SEZ6L: variants seen among roughly 807,000 people sequenced by gnomAD.
SEZ6L encodes the protein seizure 6-like protein.
In SEZ6L, 37 loss-of-function variants were observed where a neutral mutation model predicts 106.2. The observed-to-expected ratio is 0.35, with a 90% CI of 0.27 to 0.46. The LOEUF (loss-of-function observed/expected upper bound fraction) is 0.46, where lower values mean the gene tolerates loss of function less well. SEZ6L is among the 20% of genes least tolerant of loss of function. The pLI, the probability that SEZ6L is intolerant of heterozygous loss-of-function variation, is 1.00. For synonymous variants in SEZ6L, 541 were observed against 570.4 expected, an observed-to-expected ratio of 0.95 and a Z score of 0.73; for missense variants, 1,172 against 1,332.8, an observed-to-expected ratio of 0.88 and a Z score of 1.88.
chr22:26,245,475 T>A (rs1394659802), intron 1 of SEZ6L, among the ~76,000 whole-genome samples: 1 of 152,038 alleles, frequency 6.6e-6, no homozygotes, highest in East Asian at 1.9e-4. Context: ...CCCTTCCCCA[T>A]TTGGCATGCA....
intron 16 of SEZ6L, among the ~76,000 whole-genome samples, chr22:26,378,643 T>C (rs1293913510): frequency 1.3e-5 from 2 of 152,058 alleles, no homozygotes; most frequent in Admixed American, 6.6e-5. Context: ...AGCTGAGACA[T>C]GGGAAGTGGG....
At position 26,376,443 on chromosome 22, in the gene SEZ6L, C is replaced by A. The variant is rs537707843; in HGVS notation, c.2942+754C>A. Reference sequence around the variant, plus strand: ...ATTTGAGCAAGGACTTGAAAGTGATCATGAGAAACCTATGCAGTCCAGGCG... The same window carrying A: ...ATTTGAGCAAGGACTTGAAAGTGATAATGAGAAACCTATGCAGTCCAGGCG... On this transcript the variant is annotated intron_variant, in intron 15 of 16. Transcript: ENST00000248933. Among the ~76,000 whole-genome samples the A allele has an allele frequency of 7.2e-5, 11 of 152,200 alleles. No homozygotes were observed. The South Asian group carries it at 2.1e-3, about 29-fold the overall frequency.
intron 14 of SEZ6L, among the ~76,000 whole-genome samples, chr22:26,375,128 G>A (rs531835814): frequency 2.0e-5 from 3 of 152,146 alleles, no homozygotes; most frequent in Admixed American, 6.5e-5. Flanking sequence ...TCAACTCAAC[G>A]ACATACACAA....
rs2084416519 is a variant in SEZ6L, at chr22:26,381,750, A to G, written c.*1455A>G. ...GAGGGTGCGGGTGCATGGAAGAAAT[A>G]CTATGTGTGAAGCAGATTCACCTTC... On this transcript the variant is annotated 3_prime_UTR_variant, in exon 17 of 17. Transcript: ENST00000248933. 3.7e-6 allele frequency: 1 copy of G among 267,076 alleles called. No homozygotes were observed. Among genetic ancestry groups the G allele is most frequent in the Non-Finnish European group, 7.5e-6 (1 of 133,044 alleles). The allele number at this position is 267,076 out of a possible 1,614,324, so 16.5% of individuals were successfully genotyped here.
chr22:26,247,205 T>G (rs893633363), intron 1 of SEZ6L, among the ~76,000 whole-genome samples: 1 of 152,132 alleles, frequency 6.6e-6, no homozygotes, highest in Non-Finnish European at 1.5e-5. Context: ...GTCCCAATGA[T>G]GTTATTAAGA....
intron 3 of SEZ6L, 35 bp downstream of exon 3, chr22:26,294,460 C>A (rs529111996): frequency 1.2e-6 from 2 of 1,600,170 alleles, no homozygotes; most frequent in African/African-American, 1.3e-5. Context: ...GAGGCTGCCT[C>A]GTCTAGCAGG....
chr22:26,371,803 T>C (rs186496622), intron 13 of SEZ6L, among the ~76,000 whole-genome samples: 4 of 152,282 alleles, frequency 2.6e-5, no homozygotes, highest in Admixed American at 2.0e-4. Flanking sequence ...ACAACTGTGA[T>C]GGAATTGCTA....
At chr22:26,285,891 C>A (rs771327316) in intron 1 of SEZ6L, among the ~76,000 whole-genome samples, 8 of 152,172 alleles carry the variant, frequency 5.3e-5, no homozygotes, top group Non-Finnish European at 1.0e-4. Context: ...TCTGGACAAC[C>A]GCTTCCCCTC....
At chr22:26,305,937 C>G (rs376322701) in intron 5 of SEZ6L, 42 bp from the exon 6 acceptor site, 2 of 1,497,404 alleles carry the variant, frequency 1.3e-6, no homozygotes, top group South Asian at 2.3e-5. Context: ...CTCTCTCCCT[C>G]TCTGCTCTCT....
At chr22:26,217,924 G>A (rs528397761) in intron 1 of SEZ6L, among the ~76,000 whole-genome samples, 45 of 152,316 alleles carry the variant, frequency 3.0e-4, no homozygotes, top group African/African-American at 1.0e-3. Flanking sequence ...GGCTGATGTC[G>A]ACAAGAAATG....
In SEZ6L at chr22:26,241,050, T is replaced by C. The variant is rs578175512; in HGVS notation, c.95-51356T>C. Among the ~76,000 whole-genome samples the C allele has an allele frequency of 2.0e-5, 3 of 151,706 alleles. No individual in the cohort carries two copies. The South Asian group carries it at 6.2e-4, about 32-fold the overall frequency. ...GACATGCAGACACTCTAGAGAAGAG[T>C]GTCCAGGCAGGGGAACGGCCCTGTT... On this transcript the variant is annotated intron_variant, in intron 1 of 16. Coordinates refer to ENST00000248933, the MANE Select transcript of SEZ6L (RefSeq NM_021115.5).
At position 26,377,766 on chromosome 22, in the gene SEZ6L, C is replaced by T. The variant is rs374094771; in HGVS notation, c.3036C>T (p.Tyr1012=). The change falls in exon 16 of 17, where the codon TAC becomes TAT. Residue 1012 remains tyrosine (Y), a synonymous_variant. Transcript: ENST00000248933. The part of the protein sequence containing the change: ...TVETEFDNPI[Y]ETGETREYEV... The stretch of plus-strand genomic sequence containing the variant: ...AAACCGAGTTTGACAACCCCATTTA[C>T]GAGACAGGGGTGAGTTGGTCTCTCT... The T allele has an allele frequency of 9.9e-6, 16 of 1,610,730 alleles. No homozygotes were observed. The highest frequency in any genetic ancestry group is 8.9e-5 in the East Asian group (4 of 44,868).
intron 1 of SEZ6L, among the ~76,000 whole-genome samples, chr22:26,290,748 A>C (rs186799255): frequency 2.0e-5 from 3 of 152,228 alleles, no homozygotes; most frequent in Admixed American, 6.5e-5. Flanking sequence ...CTGCCTCCCT[A>C]CCTTACCAGC....
At chr22:26,348,654 G>GAAAGAA (rs2083128664) in intron 11 of SEZ6L, among the ~76,000 whole-genome samples, 4 of 41,482 alleles carry the variant, frequency 9.6e-5, no homozygotes, top group East Asian at 6.1e-4. Context: ...GAAAAAGAAA[G>GAAAGAA]AAAGAAAGAA....
chr22:26,313,587 C>G (rs1052461798), intron 8 of SEZ6L, among the ~76,000 whole-genome samples, 177 bp from the exon 9 acceptor site: 1 of 93,634 alleles, frequency 1.1e-5, no homozygotes, highest in Non-Finnish European at 2.1e-5. Flanking sequence ...CACACACACA[C>G]ACACACACAC....
chr22:26,225,936 A>G (rs555181775), intron 1 of SEZ6L, among the ~76,000 whole-genome samples: 33 of 152,320 alleles, frequency 2.2e-4, no homozygotes, highest in Admixed American at 6.5e-4. Context: ...TCTATGGTTG[A>G]GCAAAACAAA....
chr22:26,193,700 A>G (rs547420782), intron 1 of SEZ6L, among the ~76,000 whole-genome samples: 1 of 152,262 alleles, frequency 6.6e-6, no homozygotes, highest in South Asian at 2.1e-4. Context: ...TTATGTTTCT[A>G]TATGCTTCTT....
intron 1 of SEZ6L, among the ~76,000 whole-genome samples, chr22:26,200,950 C>A (rs2145677983): frequency 6.6e-6 from 1 of 152,264 alleles, no homozygotes; most frequent in East Asian, 1.9e-4. Context: ...AAAACCCCAA[C>A]CAGTCAAAAC....
intron 1 of SEZ6L, among the ~76,000 whole-genome samples, chr22:26,253,377 A>G (rs1326878453): frequency 6.6e-6 from 1 of 152,076 alleles, no homozygotes; most frequent in African/African-American, 2.4e-5. Context: ...GCTGATGATG[A>G]TGATATTTAG....
Sources: gnomAD v4.1 joint callset for allele counts (sites outside exome capture counted in the v4.1 genomes callset) on GRCh38, gnomAD v4.1.1 for gene constraint, MANE v1.5 for transcripts, NCBI Gene and HGNC (gene_info 2026-07-23, HGNC 2026-07-21) for gene names.